GEMIN8: variants seen among roughly 807,000 people sequenced by gnomAD.
GEMIN8 encodes the protein gem-associated protein 8.
For missense variants in GEMIN8, 185 were observed against 205.9 expected (o/e 0.90, Z 0.62); for synonymous variants, 80 against 78.5 (o/e 1.02, Z -0.10).
the GEMIN8 span, among the ~76,000 whole-genome samples, chrX:14,001,039 T>C: frequency 8.9e-6 from 1 of 112,374 alleles, no homozygotes; most frequent in African/African-American, 3.2e-5. Context: ...CTCCGTAACA[T>C]TTAGTACTGT....
the GEMIN8 span, among the ~76,000 whole-genome samples, chrX:13,985,824 A>G: frequency 1.8e-5 from 2 of 111,812 alleles, no homozygotes; most frequent in African/African-American, 6.5e-5. Flanking sequence ...AACAGAAATA[A>G]CAGATATGCA....
In GEMIN8 at chrX:14,006,926, G is replaced by C. The variant is rs748973592; in HGVS notation, c.*1987C>G. 1.2e-4 allele frequency among the ~76,000 whole-genome samples: 13 copies of C among 111,805 alleles called. No homozygotes were observed. The highest frequency in any genetic ancestry group is 2.1e-4 in the Non-Finnish European group (11 of 53,179). ...TGAGACCGGCATGGTGATTTCTTTA[G>C]GGGAGGGTATAAGAGTCCTTTGCGA... On this transcript the variant is annotated 3_prime_UTR_variant, in exon 5 of 5. Transcript: ENST00000680255.
rs61127994 is a variant in GEMIN8 at position 14,016,866 on chromosome X, A to AATAT, written c.472+3208_472+3211dup. 9.9e-3 allele frequency among the ~76,000 whole-genome samples: 568 copies of AATAT among 57,144 alleles called. 7 individuals are homozygous for AATAT. Among genetic ancestry groups the AATAT allele is most frequent in the Non-Finnish European group, 0.014 (457 of 33,418 alleles). The allele number at this position is 57,144 out of a possible 115,157, so 49.6% of individuals were successfully genotyped here. The stretch of plus-strand genomic sequence containing the variant: ...TCTCAAAAAAAAAAAAAAAAAAAAA[A>AATAT]ATATATATATATATATATATATATA... On this transcript the variant is annotated intron_variant, in intron 4 of 4. Transcript: ENST00000680255.
chrX:13,989,032 G>A, the GEMIN8 span, among the ~76,000 whole-genome samples: 1 of 110,086 alleles, frequency 9.1e-6, no homozygotes, highest in African/African-American at 3.3e-5. Flanking sequence ...AATTGTTATA[G>A]TTTGAGTAAG....
chrX:13,991,459 C>T, the GEMIN8 span, among the ~76,000 whole-genome samples: 8 of 111,419 alleles, frequency 7.2e-5, no homozygotes, highest in Admixed American at 7.6e-4. Context: ...GAGTTGGGGC[C>T]CCAGCTCTGC....
In GEMIN8 at chrX:14,014,838, C is replaced by T. The variant is rs188510234; in HGVS notation, c.472+5240G>A. ...AGAACAGCACTTTGAGTGTCTAAGC[C>T]GGGAGTGAACTAAGTCCTTTTTTCT... is the stretch of plus-strand genomic sequence containing the variant. On this transcript the variant is annotated intron_variant, in intron 4 of 4. Transcript: ENST00000680255. Among the ~76,000 whole-genome samples the T allele has an allele frequency of 6.7e-4, 75 of 111,486 alleles. 1 individual carries two copies. Among genetic ancestry groups the T allele is most frequent in the Admixed American group, 6.3e-3 (66 of 10,509 alleles).
intron 4 of GEMIN8, among the ~76,000 whole-genome samples, chrX:14,014,725 G>A (rs1412634828): frequency 1.8e-5 from 2 of 111,838 alleles, no homozygotes; most frequent in African/African-American, 6.5e-5. Flanking sequence ...CCACTCAGAT[G>A]GACACAGTGT....
the GEMIN8 span, among the ~76,000 whole-genome samples, chrX:13,994,402 CT>C: frequency 3.6e-5 from 4 of 112,242 alleles, no homozygotes; most frequent in African/African-American, 1.3e-4. Context: ...CCCTCAGTTC[CT>C]GCTGCATCTG....
At chrX:14,002,097 CAAAAAAAAA>C (rs59550732), downstream of GEMIN8, among the ~76,000 whole-genome samples, 7 of 23,632 alleles carry the variant, frequency 3.0e-4, no homozygotes, top group Admixed American at 1.3e-3. Flanking sequence ...TGCACTCCAG[CAAAAAAAAA>C]AAAAAAAAAA....
rs149877630 is a variant in GEMIN8 at position 14,021,646 on chromosome X, C to A, written c.-33-135G>T. On this transcript the variant is annotated intron_variant, in intron 2 of 4. Transcript: ENST00000680255. Reference sequence around the variant, plus strand: ...CCATGCCTGATTTCATGCAACCTATCTATATGACGTTGGTTCCTGGGCTAT... The same window carrying A: ...CCATGCCTGATTTCATGCAACCTATATATATGACGTTGGTTCCTGGGCTAT... 2.3e-4 allele frequency: 102 copies of A among 439,682 alleles called. No homozygotes were observed. The East Asian group carries it at 3.6e-3, about 15-fold the overall frequency. The allele number at this position is 439,682 out of a possible 1,213,427, so 36.2% of individuals were successfully genotyped here.
In GEMIN8 at chrX:14,020,286, G is replaced by A; in HGVS notation, c.264C>T (p.Cys88=). The change falls in exon 4 of 5, where the codon TGC becomes TGT. Residue 88 remains cysteine, a synonymous_variant. Coordinates refer to ENST00000680255, the MANE Select transcript of GEMIN8 (RefSeq NM_001042479.2). ...CAGATCTTCTGAAATGTGAAGAACT[G>A]CAGGGGTAGTCCTGCCAGGCCACAT... ...DHHVAWQDYP[C]SSSHFRRSGQ... 8.3e-7 allele frequency: 1 copy of A among 1,210,235 alleles called. No individual in the cohort carries two copies. The highest frequency in any genetic ancestry group is 1.7e-5 in the African/African-American group (1 of 57,801).
At chrX:13,990,017 T>C in the GEMIN8 span, among the ~76,000 whole-genome samples, 1 of 112,800 alleles carries the variant, frequency 8.9e-6, no homozygotes, top group Admixed American at 9.4e-5. Context: ...AAATGGACTA[T>C]TATGTGCTGT....
At chrX:14,029,276 C>T (rs1924858984) in intron 1 of GEMIN8, 1 of 112,058 alleles carries the variant, frequency 8.9e-6, no homozygotes, top group Non-Finnish European at 1.9e-5. Context: ...AGAAAGAAAC[C>T]CGAATTTTTG....
chrX:14,005,576 G>A (rs1569343755), downstream of GEMIN8, among the ~76,000 whole-genome samples: 1 of 112,151 alleles, frequency 8.9e-6, no homozygotes, highest in Non-Finnish European at 1.9e-5. Context: ...CAAGAAGTGT[G>A]AGCCTGAGTT....
the GEMIN8 span, among the ~76,000 whole-genome samples, chrX:13,997,625 C>T: frequency 1.8e-5 from 2 of 112,088 alleles, no homozygotes; most frequent in East Asian, 2.8e-4. Context: ...CCGGGTGCAG[C>T]GGCTCATGCC....
chrX:14,009,692 AC>A (rs1309148142), intron 4 of GEMIN8, among the ~76,000 whole-genome samples: 1 of 112,032 alleles, frequency 8.9e-6, no homozygotes, highest in Admixed American at 9.5e-5. Flanking sequence ...CCCACTCACC[AC>A]CTGCCCAGCT....
At chrX:13,993,764 T>C in the GEMIN8 span, among the ~76,000 whole-genome samples, 7 of 111,058 alleles carry the variant, frequency 6.3e-5, no homozygotes, top group Non-Finnish European at 1.1e-4. Context: ...ATTTGTAAAC[T>C]TTCCTTCACT....
chrX:13,985,299 G>C, the GEMIN8 span, among the ~76,000 whole-genome samples: 1 of 111,925 alleles, frequency 8.9e-6, no homozygotes, highest in African/African-American at 3.2e-5. Flanking sequence ...CCATAGTTAA[G>C]TTCAAGTCAA....
Position 14,008,666 on chromosome X carries a change from C to T in GEMIN8, c.*247G>A, listed in dbSNP as rs942695686. The T allele has an allele frequency of 8.3e-5, 32 of 384,271 alleles. 1 individual carries two copies. Among genetic ancestry groups the T allele is most frequent in the Middle Eastern group, 6.7e-4 (1 of 1,499 alleles). 31.7% of individuals were successfully genotyped at this position (384,271 alleles called of 1,213,427 possible). A position where few individuals can be genotyped will look rare whatever the true frequency, so the allele number is the denominator to read the frequency against. On this transcript the variant is annotated 3_prime_UTR_variant, in exon 5 of 5. Coordinates refer to ENST00000680255, the MANE Select transcript of GEMIN8 (RefSeq NM_001042479.2). ...AACTGTTACCAACAACATAAAAAAC[C>T]AGTATAGTATATGCAAAATTATTTT...
Sources: gnomAD v4.1 joint callset for allele counts (sites outside exome capture counted in the v4.1 genomes callset) on GRCh38, gnomAD v4.1.1 for gene constraint, MANE v1.5 for transcripts, NCBI Gene and HGNC (gene_info 2026-07-23, HGNC 2026-07-21) for gene names.